SLC35D4: variants seen among roughly 807,000 people sequenced by gnomAD.
The protein encoded by SLC35D4 is UDP-N-acetylglucosamine transporter SLC35D4.
At chr18:23,362,325 G>A in the SLC35D4 span, among the ~76,000 whole-genome samples, 33 of 152,202 alleles carry the variant, frequency 2.2e-4, no homozygotes, top group Admixed American at 6.5e-5. Flanking sequence ...GGGACTGGGC[G>A]TGGTGGCTCA....
the SLC35D4 span, among the ~76,000 whole-genome samples, chr18:23,399,872 A>T: frequency 6.6e-6 from 1 of 152,216 alleles, no homozygotes; most frequent in Non-Finnish European, 1.5e-5. Flanking sequence ...AGCCTAAGAG[A>T]TCCCAGAAAT....
chr18:23,329,697 T>C, the SLC35D4 span, among the ~76,000 whole-genome samples: 97 of 152,294 alleles, frequency 6.4e-4, no homozygotes, highest in African/African-American at 2.3e-3. Flanking sequence ...CCAGCAATCC[T>C]ATTACTGGGT....
At chr18:23,379,051 G>A in the SLC35D4 span, among the ~76,000 whole-genome samples, 1 of 152,322 alleles carries the variant, frequency 6.6e-6, no homozygotes, top group East Asian at 1.9e-4. Flanking sequence ...AGAGCTGAAA[G>A]GAGGAGGGCA....
At chr18:23,298,093 T>C in the SLC35D4 span, 1 of 1,613,366 alleles carries the variant, frequency 6.2e-7, no homozygotes, top group Admixed American at 1.7e-5. Flanking sequence ...GAAGGTCAGC[T>C]CTCCACTCCC....
At chr18:23,421,391 C>T in the SLC35D4 span, 4 of 1,613,932 alleles carry the variant, frequency 2.5e-6, no homozygotes, top group Non-Finnish European at 3.4e-6. Flanking sequence ...GATCTCTACC[C>T]AGCCCAGTTT....
the SLC35D4 span, among the ~76,000 whole-genome samples, chr18:23,246,478 G>A: frequency 6.1e-4 from 92 of 151,526 alleles, 1 homozygote; most frequent in African/African-American, 2.1e-3. Flanking sequence ...TGCAAGCTCC[G>A]CCTCCCGGGT....
chr18:23,367,320 TC>T, the SLC35D4 span, among the ~76,000 whole-genome samples: 1 of 151,986 alleles, frequency 6.6e-6, no homozygotes, highest in South Asian at 2.1e-4. Context: ...AAAAATTCCC[TC>T]CGATACTTAG....
chr18:23,284,060 AGT>A, the SLC35D4 span, among the ~76,000 whole-genome samples: 4 of 152,128 alleles, frequency 2.6e-5, no homozygotes, highest in African/African-American at 7.2e-5. Context: ...TGCTGGTGAG[AGT>A]GTGTTTTAGC....
the SLC35D4 span, among the ~76,000 whole-genome samples, chr18:23,413,794 A>G: frequency 6.6e-6 from 1 of 151,838 alleles, no homozygotes; most frequent in East Asian, 1.9e-4. Context: ...AAAATAAAAA[A>G]TTAGCCAGGC....
chr18:23,415,663 A>T, the SLC35D4 span, among the ~76,000 whole-genome samples: 1 of 152,264 alleles, frequency 6.6e-6, no homozygotes, highest in Non-Finnish European at 1.5e-5. Flanking sequence ...AAAGGATTTC[A>T]GCATCTGCTG....
the SLC35D4 span, among the ~76,000 whole-genome samples, chr18:23,426,406 T>A: frequency 6.6e-6 from 1 of 152,100 alleles, no homozygotes; most frequent in East Asian, 1.9e-4. Flanking sequence ...ATGAGTGAAT[T>A]CCCATTCACA....
At chr18:23,392,608 C>T in the SLC35D4 span, among the ~76,000 whole-genome samples, 2 of 152,150 alleles carry the variant, frequency 1.3e-5, no homozygotes, top group Non-Finnish European at 2.9e-5. Flanking sequence ...TGCCGGAGCT[C>T]CTCCAATTTG....
the SLC35D4 span, chr18:23,421,403 C>T: frequency 6.2e-7 from 1 of 1,614,024 alleles, no homozygotes; most frequent in South Asian, 1.1e-5. Flanking sequence ...GCCCAGTTTC[C>T]AGGACACATG....
the SLC35D4 span, among the ~76,000 whole-genome samples, chr18:23,359,328 A>AGCCGAGATTGTTGCAGTG: frequency 6.6e-5 from 10 of 150,564 alleles, no homozygotes; most frequent in East Asian, 2.0e-3. Context: ...AGGTTGCAGT[A>AGCCGAGATTGTTGCAGTG]AGCCGAGATT....
chr18:23,333,159 A>T, the SLC35D4 span, among the ~76,000 whole-genome samples: 7 of 152,368 alleles, frequency 4.6e-5, no homozygotes, highest in East Asian at 3.9e-4. Flanking sequence ...AAACATTCTT[A>T]AAAAAGCCCA....
chr18:23,430,715 G>A, the SLC35D4 span: 1 of 1,561,378 alleles, frequency 6.4e-7, no homozygotes, highest in Non-Finnish European at 8.8e-7. Flanking sequence ...CATTTCAAAT[G>A]ATAGAAAACT....
chr18:23,317,850 G>A, the SLC35D4 span, among the ~76,000 whole-genome samples: 2 of 151,110 alleles, frequency 1.3e-5, no homozygotes, highest in African/African-American at 4.9e-5. Context: ...AGCGATTCTT[G>A]TGCCTCAGCC....
the SLC35D4 span, among the ~76,000 whole-genome samples, chr18:23,360,353 G>C: frequency 6.6e-6 from 1 of 152,226 alleles, no homozygotes; most frequent in Non-Finnish European, 1.5e-5. Flanking sequence ...AGAATGTTCA[G>C]AGCAGCCTCA....
the SLC35D4 span, among the ~76,000 whole-genome samples, chr18:23,346,743 GATTT>G: frequency 6.6e-6 from 1 of 152,072 alleles, no homozygotes; most frequent in Admixed American, 6.5e-5. Context: ...ATAGATGCTA[GATTT>G]TGTCATGATT....
Sources: allele counts gnomAD v4.1 joint callset (sites outside exome capture counted in the v4.1 genomes callset), GRCh38; gene constraint gnomAD v4.1.1; transcripts MANE v1.5; gene names NCBI Gene and HGNC (gene_info 2026-07-23, HGNC 2026-07-21).